Variants in AMOTL1 observed in about 807,000 individuals in gnomAD.
The protein encoded by AMOTL1 is angiomotin like 1.
A neutral mutation model predicts 102.9 loss-of-function variants in AMOTL1; 45 were observed. The ratio of observed to expected loss-of-function variants is 0.44; its 90% CI spans 0.34 to 0.56. The LOEUF (loss-of-function observed/expected upper bound fraction) is 0.56. Among genes scored for constraint, AMOTL1 ranks in the 20% least tolerant of loss-of-function variants. The pLI is 0.01. For synonymous variants in AMOTL1, 481 were observed against 484.7 expected, an observed-to-expected ratio of 0.99 and a Z score of 0.10; for missense variants, 1,114 against 1,225.6, an observed-to-expected ratio of 0.91 and a Z score of 1.36.
chr11:94,781,640 TC>T (rs1342091368), intron 1 of AMOTL1, among the ~76,000 whole-genome samples: 1 of 151,878 alleles, frequency 6.6e-6, no homozygotes, highest in Non-Finnish European at 1.5e-5. Context: ...ATCGAGACCA[TC>T]CTGGCCAACA....
chr11:94,751,643 A>G lies in AMOTL1; in HGVS notation c.136+10655A>G, dbSNP rs540354073. On this transcript the variant is annotated intron_variant, in intron 3 of 4. Transcript: ENST00000299004. ...GTATTCTAGTTGGGAGAGAGAATGG[A>G]GTAGGAAGGGGGAAAATGACAATAA... Among the ~76,000 whole-genome samples, 4 of 151,756 alleles carry G rather than the reference A, an allele frequency of 2.6e-5. No individual in the cohort carries two copies. The East Asian group carries it at 7.8e-4, about 29-fold the overall frequency.
intron 4 of AMOTL1, among the ~76,000 whole-genome samples, chr11:94,826,104 G>C (rs1165185065): frequency 2.6e-5 from 4 of 152,146 alleles, no homozygotes; most frequent in Non-Finnish European, 5.9e-5. Flanking sequence ...GGCTAACATG[G>C]TGAAACCCCA....
chr11:94,747,000 T>G (rs1950597152), intron 3 of AMOTL1, among the ~76,000 whole-genome samples: 1 of 152,038 alleles, frequency 6.6e-6, no homozygotes, highest in Non-Finnish European at 1.5e-5. Flanking sequence ...GCCTTTCTGC[T>G]TGTTGTAACA....
intron 3 of AMOTL1, among the ~76,000 whole-genome samples, chr11:94,806,180 C>T (rs977651388): frequency 2.0e-5 from 3 of 152,328 alleles, no homozygotes; most frequent in East Asian, 1.9e-4. Context: ...TTAAAGATAA[C>T]GCCTGTCCTC....
intron 3 of AMOTL1, 119 bp downstream of exon 3, chr11:94,800,430 G>T: frequency 1.7e-6 from 2 of 1,165,468 alleles, no homozygotes; most frequent in Non-Finnish European, 1.2e-6. Flanking sequence ...CCTTATGCAT[G>T]ATATTTAATA....
intron 4 of AMOTL1, among the ~76,000 whole-genome samples, chr11:94,822,275 C>A (rs1328111922): frequency 2.0e-5 from 3 of 152,168 alleles, no homozygotes; most frequent in Non-Finnish European, 4.4e-5. Flanking sequence ...TGCCAAGACC[C>A]TGTCTCTACA....
At chr11:94,849,929 C>T (rs902249568) in intron 6 of AMOTL1, among the ~76,000 whole-genome samples, 185 bp from the exon 7 acceptor site, 3 of 152,082 alleles carry the variant, frequency 2.0e-5, no homozygotes, top group Non-Finnish European at 2.9e-5. Flanking sequence ...CACTGTTGAC[C>T]GTGGTTTTTG....
intron 1 of AMOTL1, among the ~76,000 whole-genome samples, chr11:94,793,668 T>A (rs1377117371): frequency 6.6e-6 from 1 of 152,240 alleles, no homozygotes; most frequent in African/African-American, 2.4e-5. Context: ...ACGTAGAGGA[T>A]GATGCCCGGA....
chr11:94,763,607 CA>C (rs1020504901), upstream of AMOTL1, among the ~76,000 whole-genome samples: 2 of 152,174 alleles, frequency 1.3e-5, no homozygotes, highest in Admixed American at 6.5e-5. Flanking sequence ...ATAATATAAA[CA>C]GTTGATTAAC....
At chr11:94,816,941 A>T (rs1042930314) in intron 3 of AMOTL1, among the ~76,000 whole-genome samples, 27 of 152,316 alleles carry the variant, frequency 1.8e-4, no homozygotes, top group African/African-American at 5.8e-4. Context: ...CTATAAAGTA[A>T]CCATTAATAC....
chr11:94,764,311 G>A (rs1042013398), upstream of AMOTL1, among the ~76,000 whole-genome samples: 2 of 152,346 alleles, frequency 1.3e-5, no homozygotes, highest in South Asian at 2.1e-4. Flanking sequence ...GTCATTTCGA[G>A]TGGATTCTAG....
At chr11:94,753,561 G>A (rs1315528604) in intron 3 of AMOTL1, among the ~76,000 whole-genome samples, 3 of 152,128 alleles carry the variant, frequency 2.0e-5, no homozygotes, top group Admixed American at 2.0e-4. Flanking sequence ...CTGTAAGACA[G>A]GTACTATTAC....
chr11:94,731,301 A>AAGTGGGTGAAGCACAGTCACCCACTGTC (rs773984733), intron 2 of AMOTL1, among the ~76,000 whole-genome samples: 13 of 152,174 alleles, frequency 8.5e-5, no homozygotes, highest in African/African-American at 2.7e-4. Context: ...TGTTGTGGTG[A>AAGTGGGTGAAGCACAGTCACCCACTGTC]AGTGGGTGAA....
chr11:94,830,657 A>G (rs953100352), intron 5 of AMOTL1, among the ~76,000 whole-genome samples: 1 of 152,178 alleles, frequency 6.6e-6, no homozygotes, highest in Non-Finnish European at 1.5e-5. Flanking sequence ...CCCTGGGGGG[A>G]AAAAGTCCCC....
chr11:94,855,636 G>T (rs1291668595), intron 8 of AMOTL1, among the ~76,000 whole-genome samples: 1 of 152,108 alleles, frequency 6.6e-6, no homozygotes, highest in Admixed American at 6.5e-5. Flanking sequence ...CCTAAAGTTA[G>T]ATTACTTCTC....
chr11:94,808,630 G>A (rs891179299), intron 3 of AMOTL1, among the ~76,000 whole-genome samples: 1 of 152,168 alleles, frequency 6.6e-6, no homozygotes, highest in Non-Finnish European at 1.5e-5. Flanking sequence ...TGCATGAGTT[G>A]CTCTGATGCT....
rs1206082232 is a variant in AMOTL1 at position 94,875,555 on chromosome 11, C to G, written c.*4760C>G. Reference sequence around the variant, plus strand: ...CTGCCAAGTAAAAATATCTTGGGAACTCTTCTACTAGAATGGCCTTCAGGG... The same window carrying G: ...CTGCCAAGTAAAAATATCTTGGGAAGTCTTCTACTAGAATGGCCTTCAGGG... On this transcript the variant is annotated 3_prime_UTR_variant, in exon 13 of 13. Transcript: ENST00000433060. The G allele has an allele frequency of 1.3e-5, 2 of 152,206 alleles. No individual in the cohort carries two copies. The highest frequency in any genetic ancestry group is 2.9e-5 in the Non-Finnish European group (2 of 68,036). The allele number at this position is 152,206 out of a possible 1,614,324, so 9.4% of individuals were successfully genotyped here.
chr11:94,729,733 G>T (rs923215322), intron 2 of AMOTL1, among the ~76,000 whole-genome samples: 5 of 152,134 alleles, frequency 3.3e-5, no homozygotes, highest in African/African-American at 1.2e-4. Context: ...GGTTGTTGAG[G>T]TTAATGCACT....
At chr11:94,765,845 C>T (rs2135507042), upstream of AMOTL1, among the ~76,000 whole-genome samples, 1 of 152,326 alleles carries the variant, frequency 6.6e-6, no homozygotes, top group Non-Finnish European at 1.5e-5. Flanking sequence ...AACTGATCTT[C>T]AAAGCTTCAT....
Sources: allele counts gnomAD v4.1 joint callset (sites outside exome capture counted in the v4.1 genomes callset), GRCh38; gene constraint gnomAD v4.1.1; transcripts MANE v1.5; gene names NCBI Gene and HGNC (gene_info 2026-07-23, HGNC 2026-07-21).